The following MED27 variants were observed in gnomAD, a reference collection of about 807,000 sequenced individuals.
MED27 encodes mediator complex subunit 27, also known as mediator of RNA polymerase II transcription subunit 27.
In MED27, 30 loss-of-function variants were observed where a neutral mutation model predicts 38.2. That is an observed-to-expected ratio of 0.79 (90% CI 0.59 to 1.07). The LOEUF is 1.07. Among genes scored for constraint, MED27 ranks in the 50% least tolerant of loss-of-function variants. The probability of loss-of-function intolerance (pLI) is 0.00; values close to 1 mark genes in which losing one functional copy is unlikely to be tolerated. For synonymous variants in MED27, 122 were observed against 153.5 expected, an observed-to-expected ratio of 0.79 and a Z score of 1.52; for missense variants, 289 against 397.5, an observed-to-expected ratio of 0.73 and a Z score of 2.32.
rs376408349 is a variant in MED27 at position 131,894,033 on chromosome 9, C to T, written c.574-41G>A. 4.6e-5 allele frequency: 71 copies of T among 1,534,900 alleles called. No individual in the cohort carries two copies. In the Middle Eastern group the frequency reaches 1.0e-3, roughly 22 times the overall value. ...TAAGCTGACACTTGAACACGCAAAT[C>T]ACACAAAGTTGGGCAGGGGTGTGAG... is the stretch of plus-strand genomic sequence containing the variant. On this transcript the variant is annotated intron_variant, in intron 4 of 7. Coordinates refer to ENST00000292035, the MANE Select transcript of MED27 (RefSeq NM_004269.4).
intron 2 of MED27, among the ~76,000 whole-genome samples, chr9:132,061,935 T>C (rs1833706102): frequency 6.6e-6 from 1 of 152,218 alleles, no homozygotes; most frequent in Non-Finnish European, 1.5e-5. Flanking sequence ...AAAACAAGCC[T>C]TAATATGCAT....
intron 2 of MED27, among the ~76,000 whole-genome samples, chr9:132,060,841 T>C (rs1564344879): frequency 6.6e-6 from 1 of 152,004 alleles, no homozygotes; most frequent in Non-Finnish European, 1.5e-5. Context: ...CTCAGCTACT[T>C]GGGAGGCTGA....
chr9:132,050,154 T>C (rs1226654070), intron 2 of MED27, among the ~76,000 whole-genome samples: 6 of 152,142 alleles, frequency 3.9e-5, no homozygotes, highest in Non-Finnish European at 7.4e-5. Context: ...TGTGGTCAAG[T>C]GTCCCAGGAG....
chr9:131,898,791 G>A (rs988110459), intron 4 of MED27, among the ~76,000 whole-genome samples: 11 of 151,414 alleles, frequency 7.3e-5, no homozygotes, highest in Non-Finnish European at 1.5e-4. Context: ...CACTATGTTG[G>A]CCAGGCTGGT....
intron 2 of MED27, among the ~76,000 whole-genome samples, chr9:132,035,135 A>G (rs1441213519): frequency 1.3e-5 from 2 of 152,188 alleles, no homozygotes; most frequent in African/African-American, 4.8e-5. Context: ...TACAACCCAC[A>G]CCACCAATCA....
intron 3 of MED27, among the ~76,000 whole-genome samples, chr9:131,991,733 T>G (rs1024917089): frequency 6.6e-6 from 1 of 152,258 alleles, no homozygotes; most frequent in Non-Finnish European, 1.5e-5. Flanking sequence ...TGTTTATTTA[T>G]TTATTTTAGA....
intron 4 of MED27, among the ~76,000 whole-genome samples, chr9:131,926,052 C>T (rs1005221646): frequency 2.0e-5 from 3 of 152,238 alleles, no homozygotes; most frequent in Non-Finnish European, 4.4e-5. Context: ...TAGGTGGTGT[C>T]AACTTCTCCC....
chr9:132,063,308 T>C (rs1452151701), intron 2 of MED27, among the ~76,000 whole-genome samples: 1 of 152,182 alleles, frequency 6.6e-6, no homozygotes, highest in Non-Finnish European at 1.5e-5. Context: ...GAAACCTTCC[T>C]TGAAAGCAGT....
chr9:132,038,197 T>C (rs560212440), intron 2 of MED27, among the ~76,000 whole-genome samples: 1 of 146,194 alleles, frequency 6.8e-6, no homozygotes, highest in African/African-American at 2.6e-5. Context: ...TCTTTTTTTT[T>C]TTTTTTTTTT....
intron 4 of MED27, among the ~76,000 whole-genome samples, chr9:131,923,870 G>A (rs947695160): frequency 4.6e-5 from 7 of 152,112 alleles, no homozygotes; most frequent in Non-Finnish European, 8.8e-5. Flanking sequence ...GCGTATTAAG[G>A]ATACTCTTGC....
At chr9:132,067,065 T>C (rs1395936714) in intron 2 of MED27, among the ~76,000 whole-genome samples, 8 of 152,204 alleles carry the variant, frequency 5.3e-5, no homozygotes, top group Admixed American at 4.6e-4. Context: ...AGGAAGAGAC[T>C]CAGAGGCTCC....
intron 6 of MED27, among the ~76,000 whole-genome samples, chr9:131,863,806 G>A (rs1838691860): frequency 6.6e-6 from 1 of 152,162 alleles, no homozygotes; most frequent in Non-Finnish European, 1.5e-5. Flanking sequence ...GTGGCCTATG[G>A]TCAGCACCTT....
chr9:131,938,144 G>C (rs983653938), intron 4 of MED27, among the ~76,000 whole-genome samples: 1 of 151,908 alleles, frequency 6.6e-6, no homozygotes, highest in Non-Finnish European at 1.5e-5. Context: ...ACCAAAACAC[G>C]CACGCACACA....
chr9:132,014,589 A>ATGT, intron 2 of MED27, 122 bp from the exon 3 acceptor site: 2 of 953,546 alleles, frequency 2.1e-6, no homozygotes, highest in African/African-American at 1.7e-5. Flanking sequence ...GTAACTTCAA[A>ATGT]TACAACTGCT....
At chr9:131,968,814 C>A (rs888534849) in intron 3 of MED27, among the ~76,000 whole-genome samples, 2 of 152,178 alleles carry the variant, frequency 1.3e-5, no homozygotes, top group African/African-American at 4.8e-5. Context: ...GCGAGCAAAG[C>A]TTCATCTGTA....
rs1241163226 is a variant in MED27 at position 131,917,033 on chromosome 9, G to A, written c.573+22348C>T. ...GAAGGGGCAGCAGGTGGAGAAGGGT[G>A]CCATAGGCAGAAATGCAGGTACAAA... On this transcript the variant is annotated intron_variant, in intron 4 of 7. Transcript: ENST00000292035. This position sits in a 1 kb window ranked among gnomAD's most constrained non-coding sequence, Gnocchi z 4.6. Among the ~76,000 whole-genome samples, 3 of 152,224 alleles carry A rather than the reference G, an allele frequency of 2.0e-5. No homozygotes were observed. Among genetic ancestry groups the A allele is most frequent in the Non-Finnish European group, 2.9e-5 (2 of 68,048 alleles).
chr9:131,867,683 C>A (rs1266300479), intron 6 of MED27, among the ~76,000 whole-genome samples: 1 of 152,244 alleles, frequency 6.6e-6, no homozygotes, highest in Non-Finnish European at 1.5e-5. Flanking sequence ...CCCTCTTGGG[C>A]CCCTCTCTAG....
chr9:132,013,755 A>C (rs546622324), intron 3 of MED27, among the ~76,000 whole-genome samples: 1 of 152,270 alleles, frequency 6.6e-6, no homozygotes, highest in African/African-American at 2.4e-5. Flanking sequence ...TAAGGAAACA[A>C]ATAATAAGCC....
chr9:131,999,848 A>G (rs935950350), intron 3 of MED27, among the ~76,000 whole-genome samples: 2 of 152,074 alleles, frequency 1.3e-5, no homozygotes, highest in Non-Finnish European at 2.9e-5. Flanking sequence ...ACACCATGAA[A>G]TACTTAAGCA....
Sources: allele counts gnomAD v4.1 joint callset (sites outside exome capture counted in the v4.1 genomes callset), GRCh38; gene constraint gnomAD v4.1.1; non-coding constraint Gnocchi (gnomAD v3.1); transcripts MANE v1.5; gene names NCBI Gene and HGNC (gene_info 2026-07-23, HGNC 2026-07-21).